BAZ2B: variants seen among roughly 807,000 people sequenced by gnomAD.
The protein encoded by BAZ2B is bromodomain adjacent to zinc finger domain 2B.
A neutral mutation model predicts 246.0 loss-of-function variants in BAZ2B; 91 were observed. That is an observed-to-expected ratio of 0.37 (90% CI 0.31 to 0.44). The LOEUF is 0.44. BAZ2B is among the 20% of genes least tolerant of loss of function. BAZ2B has a pLI of 1.00. For missense variants in BAZ2B, 2,332 were observed against 2,533.7 expected, an observed-to-expected ratio of 0.92 and a Z score of 1.71; for synonymous variants, 855 against 860.0, an observed-to-expected ratio of 0.99 and a Z score of 0.10.
At chr2:159,332,848 G>A in intron 33 of BAZ2B, 162 bp from the exon 34 acceptor site, 1 of 775,372 alleles carries the variant, frequency 1.3e-6, no homozygotes, top group South Asian at 1.9e-5. Flanking sequence ...TCGTTACACA[G>A]ATATGGACCA....
intron 2 of BAZ2B, among the ~76,000 whole-genome samples, chr2:159,480,753 T>G (rs1349917831): frequency 6.6e-6 from 1 of 152,076 alleles, no homozygotes; most frequent in African/African-American, 2.4e-5. Flanking sequence ...GTGTAATTTT[T>G]TTTCTTCTAT....
At chr2:159,627,903 T>C in the BAZ2B span, among the ~76,000 whole-genome samples, 2 of 152,216 alleles carry the variant, frequency 1.3e-5, no homozygotes, top group African/African-American at 2.4e-5. Context: ...ATGACATGAT[T>C]GTGTATTTAG....
chr2:159,610,395 G>A (rs1301791307), intron 1 of BAZ2B, among the ~76,000 whole-genome samples: 3 of 152,146 alleles, frequency 2.0e-5, no homozygotes, highest in African/African-American at 4.8e-5. Flanking sequence ...TCAGTACACC[G>A]TTCTTTACAC....
chr2:159,462,878 A>C, intron 3 of BAZ2B: 6 of 1,604,458 alleles, frequency 3.7e-6, no homozygotes, highest in Non-Finnish European at 5.1e-6. Context: ...CTCTTAAAGC[A>C]CTGTCACAGG....
At chr2:159,685,887 C>T in the BAZ2B span, among the ~76,000 whole-genome samples, 1 of 152,186 alleles carries the variant, frequency 6.6e-6, no homozygotes, top group Non-Finnish European at 1.5e-5. Context: ...CCCCTGACCT[C>T]AACTCCTTCC....
At chr2:159,425,816 C>T (rs1385252351) in intron 13 of BAZ2B, among the ~76,000 whole-genome samples, 2 of 152,096 alleles carry the variant, frequency 1.3e-5, no homozygotes, top group Non-Finnish European at 2.9e-5. Flanking sequence ...ATTATATAAT[C>T]TTGGTTTTCA....
the BAZ2B span, among the ~76,000 whole-genome samples, chr2:159,629,815 A>T: frequency 6.6e-6 from 1 of 152,176 alleles, no homozygotes; most frequent in Non-Finnish European, 1.5e-5. Flanking sequence ...CCAGAACTTA[A>T]AGTATAATAA....
chr2:159,579,854 A>G (rs967720411), intron 1 of BAZ2B, among the ~76,000 whole-genome samples: 14 of 152,312 alleles, frequency 9.2e-5, no homozygotes, highest in Non-Finnish European at 1.3e-4. Flanking sequence ...AAAGGCCTTC[A>G]ACAAAATTTA....
At chr2:159,343,297 C>G (rs972645533) in intron 31 of BAZ2B, among the ~76,000 whole-genome samples, 2 of 152,056 alleles carry the variant, frequency 1.3e-5, no homozygotes, top group Non-Finnish European at 2.9e-5. Context: ...TGTAAGACCC[C>G]AAATGATAAA....
intron 2 of BAZ2B, among the ~76,000 whole-genome samples, chr2:159,524,292 T>A (rs2084481095): frequency 6.6e-6 from 1 of 151,782 alleles, no homozygotes; most frequent in South Asian, 2.1e-4. Flanking sequence ...ATTAAAAAAA[T>A]AAATAAAATA....
At chr2:159,412,589 TAAAC>T (rs1351697152) in intron 13 of BAZ2B, 44 bp from the exon 14 acceptor site, 3 of 1,526,810 alleles carry the variant, frequency 2.0e-6, no homozygotes, top group Admixed American at 1.9e-5. Context: ...ACAAACAAAA[TAAAC>T]ACAAGAGATC....
chr2:159,625,072 G>A, the BAZ2B span, among the ~76,000 whole-genome samples: 1 of 151,778 alleles, frequency 6.6e-6, no homozygotes, highest in African/African-American at 2.4e-5. Context: ...GCAGAAGAAA[G>A]GATATCAGAG....
chr2:159,419,815 G>A (rs2068423081), intron 13 of BAZ2B: 1 of 152,222 alleles, frequency 6.6e-6, no homozygotes. Flanking sequence ...CGGACTTATA[G>A]ATTTCTGGTA....
At chr2:159,496,211 T>TA (rs539323369) in intron 2 of BAZ2B, among the ~76,000 whole-genome samples, 1 of 147,160 alleles carries the variant, frequency 6.8e-6, no homozygotes, top group Non-Finnish European at 1.5e-5. Flanking sequence ...CCATCTCTAC[T>TA]AAAAAATACA....
At chr2:159,686,278 A>G in the BAZ2B span, among the ~76,000 whole-genome samples, 27 of 152,210 alleles carry the variant, frequency 1.8e-4, no homozygotes, top group African/African-American at 6.5e-4. Context: ...GAGAGAGAGA[A>G]AATGGCAGAT....
At chr2:159,518,629 T>TC (rs1257891857) in intron 2 of BAZ2B, among the ~76,000 whole-genome samples, 1 of 152,214 alleles carries the variant, frequency 6.6e-6, no homozygotes, top group Non-Finnish European at 1.5e-5. Context: ...ATTATTTATA[T>TC]CCCATCTTAT....
intron 2 of BAZ2B, among the ~76,000 whole-genome samples, chr2:159,544,268 G>C (rs2087024020): frequency 6.6e-6 from 1 of 152,064 alleles, no homozygotes; most frequent in Non-Finnish European, 1.5e-5. Context: ...CTAACTCTTA[G>C]AGTTAAGAGG....
At chr2:159,535,984 G>C (rs987789800) in intron 2 of BAZ2B, among the ~76,000 whole-genome samples, 4 of 152,118 alleles carry the variant, frequency 2.6e-5, no homozygotes, top group Non-Finnish European at 5.9e-5. Context: ...TTTTTAAATG[G>C]CACATTAGAA....
At chr2:159,505,214 T>C (rs1389547552) in intron 2 of BAZ2B, among the ~76,000 whole-genome samples, 2 of 151,934 alleles carry the variant, frequency 1.3e-5, no homozygotes, top group East Asian at 1.9e-4. Flanking sequence ...TCCAGCAGAG[T>C]GTCATCTCGT....
Sources: allele counts gnomAD v4.1 joint callset (sites outside exome capture counted in the v4.1 genomes callset), GRCh38; gene constraint gnomAD v4.1.1; transcripts MANE v1.5; gene names NCBI Gene and HGNC (gene_info 2026-07-23, HGNC 2026-07-21).